The following DCLRE1C variants were observed in gnomAD, a reference collection of about 807,000 sequenced individuals.
DCLRE1C encodes the protein protein artemis.
DCLRE1C carries 47 observed loss-of-function variants against 61.4 expected under a neutral mutation model. That is an observed-to-expected ratio of 0.77 (90% confidence interval 0.61 to 0.98). DCLRE1C has a LOEUF of 0.98. Among genes scored for constraint, DCLRE1C ranks in the 50% least tolerant of loss-of-function variants. The pLI, the probability that DCLRE1C is intolerant of heterozygous loss-of-function variation, is 0.00. For synonymous variants in DCLRE1C, 337 were observed against 287.6 expected, an observed-to-expected ratio of 1.17 and a Z score of -1.74; for missense variants, 858 against 816.0, an observed-to-expected ratio of 1.05 and a Z score of -0.63.
intron 3 of DCLRE1C, among the ~76,000 whole-genome samples, chr10:14,942,686 G>C (rs1295390176): frequency 1.3e-4 from 20 of 152,228 alleles, no homozygotes; most frequent in Admixed American, 1.3e-3. Context: ...GAGAGTAGGA[G>C]CAAGTAGCCC....
chr10:14,919,470 C>G (rs1211179993), intron 13 of DCLRE1C, among the ~76,000 whole-genome samples: 4 of 152,196 alleles, frequency 2.6e-5, no homozygotes, highest in Non-Finnish European at 4.4e-5. Context: ...CTCTACTGAT[C>G]TTAGGGTGTA....
intron 13 of DCLRE1C, among the ~76,000 whole-genome samples, chr10:14,919,164 A>T (rs41299730): frequency 6.6e-6 from 1 of 152,318 alleles, no homozygotes; most frequent in East Asian, 1.9e-4. Context: ...TAACCACGAA[A>T]TAGGGCTGCT....
chr10:14,931,068 T>C (rs896412791), intron 9 of DCLRE1C, among the ~76,000 whole-genome samples: 1 of 152,240 alleles, frequency 6.6e-6, no homozygotes, highest in African/African-American at 2.4e-5. Flanking sequence ...ATGCAATGTT[T>C]ACTTTAAAAA....
At chr10:14,921,568 T>C (rs1448378560) in intron 12 of DCLRE1C, among the ~76,000 whole-genome samples, 1 of 152,198 alleles carries the variant, frequency 6.6e-6, no homozygotes, top group Non-Finnish European at 1.5e-5. Flanking sequence ...ATCTGGCTTG[T>C]AACTCACAAG....
rs747435874 is a variant in DCLRE1C at position 14,909,032 on chromosome 10, A to G, written c.1455T>C (p.Asp485=). The G allele has an allele frequency of 1.9e-5, 30 of 1,614,138 alleles. No individual in the cohort carries two copies. In the South Asian group the frequency reaches 3.0e-4, roughly 16 times the overall value. Residue 485 remains aspartate (D), a synonymous_variant, in exon 14 of 14, where the codon GAT becomes GAC. Coordinates refer to ENST00000378278, the MANE Select transcript of DCLRE1C (RefSeq NM_001033855.3). ...TAAAGAATACTTCCCACTGGGGTAC[A>G]TCCCCATCAGCCTTTTGCAGGTGAA... The part of the protein sequence containing the change: ...SVLHLQKADG[D]VPQWEVFFKR...
downstream of DCLRE1C, among the ~76,000 whole-genome samples, chr10:14,900,053 A>G (rs10430784): frequency 3.7e-4 from 57 of 152,372 alleles, no homozygotes; most frequent in East Asian, 0.011. Context: ...TAACACGACT[A>G]CATTTTAGGA....
At chr10:14,900,861 G>A (rs1389306128), downstream of DCLRE1C, among the ~76,000 whole-genome samples, 2 of 152,134 alleles carry the variant, frequency 1.3e-5, no homozygotes, top group African/African-American at 4.8e-5. Flanking sequence ...GGGACTAGAG[G>A]AATAAGATTG....
At chr10:14,948,921 G>T in intron 2 of DCLRE1C, 115 bp downstream of exon 2, 1 of 764,402 alleles carries the variant, frequency 1.3e-6, no homozygotes. Context: ...TCTTAATCTG[G>T]GTGATGCGTT....
rs143782439 is a variant in DCLRE1C, at chr10:14,919,793, T to C, written c.1101A>G (p.Pro367=). 1,885 of 1,614,096 alleles carry C rather than the reference T, an allele frequency of 1.2e-3. 3 individuals are homozygous for C. The highest frequency in any genetic ancestry group is 1.5e-3 in the Non-Finnish European group (1,730 of 1,179,946). The change falls in exon 13 of 14, where the codon CCA becomes CCG. Residue 367 remains proline, a synonymous_variant. Transcript: ENST00000378278. ...TCAGTTTTCCCAGTGGTTTATACTT[T>C]GGCTCCGTACTTTGGGAAGACCGGC... ...PLCRSSQSTE[P]KYKPLGKLKR... is the part of the protein sequence containing the mutation.
intron 12 of DCLRE1C, among the ~76,000 whole-genome samples, chr10:14,922,165 G>A (rs1160037954): frequency 2.6e-5 from 4 of 152,190 alleles, no homozygotes; most frequent in Non-Finnish European, 2.9e-5. Flanking sequence ...CATGGGCCGG[G>A]TGCAGTGGCT....
chr10:14,920,295 C>T, intron 12 of DCLRE1C: 1 of 751,188 alleles, frequency 1.3e-6, no homozygotes. Context: ...TTTATCTTGT[C>T]ATTCTAGGTC....
chr10:14,938,929 T>A (rs1840419710), intron 4 of DCLRE1C, among the ~76,000 whole-genome samples: 1 of 152,114 alleles, frequency 6.6e-6, no homozygotes, highest in African/African-American at 2.4e-5. Context: ...AATAAATACA[T>A]CACTGTTAAG....
intron 4 of DCLRE1C, among the ~76,000 whole-genome samples, chr10:14,938,276 C>G (rs904409279): frequency 2.6e-5 from 4 of 152,186 alleles, no homozygotes; most frequent in African/African-American, 7.2e-5. Context: ...GACAAGGCCA[C>G]AGACCACCAC....
intron 9 of DCLRE1C, among the ~76,000 whole-genome samples, chr10:14,929,419 T>G (rs940518710): frequency 7.0e-6 from 1 of 143,094 alleles, no homozygotes; most frequent in African/African-American, 2.6e-5. Context: ...ACCATTTTTT[T>G]TTAATTAAAA....
chr10:14,931,637 A>G (rs1468770914), intron 9 of DCLRE1C, among the ~76,000 whole-genome samples: 1 of 152,230 alleles, frequency 6.6e-6, no homozygotes, highest in Non-Finnish European at 1.5e-5. Context: ...TCCATTAGAA[A>G]TAGGACCATC....
rs781144616 is a variant in DCLRE1C, at chr10:14,908,591, C to T, written c.1896G>A (p.Glu632=). The T allele has an allele frequency of 1.9e-6, 3 of 1,613,968 alleles. No homozygotes were observed. Among genetic ancestry groups the T allele is most frequent in the African/African-American group, 1.3e-5 (1 of 74,888 alleles). ...TTLSSETHIP[E]EKSLLNLSTN... ...TGCTAAGATTTAGCAAACTTTTTTCCTCGGGTATATGTGTCTCACTGCTTA... is the reference window on the plus strand; with the variant it reads ...TGCTAAGATTTAGCAAACTTTTTTCTTCGGGTATATGTGTCTCACTGCTTA... Residue 632 remains glutamate (E), a synonymous_variant, in exon 14 of 14, where the codon GAG becomes GAA. Transcript: ENST00000378278.
chr10:14,908,677 C>G lies in DCLRE1C; in HGVS notation c.1810G>C (p.Asp604His), dbSNP rs1170054478. ...NVICPKDTYS[D>H]LKSRDKDVTI... is the part of the protein sequence containing the mutation. ...ACATCTTTATCTCTGCTTTTCAAAT[C>G]AGAGTAAGTATCCTTTGGGCAAATT... The change falls in exon 14 of 14, where the codon GAT becomes CAT. Residue 604 changes from aspartate (D) to histidine (H), a missense_variant. Asp to His is a moderately conservative substitution (Grantham distance 81). Around this residue, in one of 2 missense-constraint regions of DCLRE1C, gnomAD observed 843 missense variants for 783.5 expected, o/e 1.08. Coordinates refer to ENST00000378278, the MANE Select transcript of DCLRE1C (RefSeq NM_001033855.3). 2.5e-6 allele frequency: 4 copies of G among 1,614,062 alleles called. No individual in the cohort carries two copies. The Admixed American group carries it at 5.0e-5, about 20-fold the overall frequency.
chr10:14,917,821 AAAC>A (rs766554840), intron 13 of DCLRE1C, among the ~76,000 whole-genome samples: 2 of 152,176 alleles, frequency 1.3e-5, no homozygotes, highest in Non-Finnish European at 2.9e-5. Context: ...TCTCAAAACA[AAAC>A]AAACCCAACA....
chr10:14,920,005 G>C (rs1391455548), intron 12 of DCLRE1C, among the ~76,000 whole-genome samples, 173 bp from the exon 13 acceptor site: 1 of 152,118 alleles, frequency 6.6e-6, no homozygotes, highest in Non-Finnish European at 1.5e-5. Context: ...GGATTGAAAA[G>C]CAGTTCTAAA....
Sources: allele counts gnomAD v4.1 joint callset (sites outside exome capture counted in the v4.1 genomes callset), GRCh38; gene constraint gnomAD v4.1.1; regional missense constraint gnomAD v4.1.1; transcripts MANE v1.5; gene names NCBI Gene and HGNC (gene_info 2026-07-23, HGNC 2026-07-21).